The following CABCOCO1 variants were observed in gnomAD, a reference collection of about 807,000 sequenced individuals.
CABCOCO1 encodes the protein ciliary-associated calcium-binding coiled-coil protein 1.
A neutral mutation model predicts 35.7 loss-of-function variants in CABCOCO1; 28 were observed. That is an observed-to-expected ratio of 0.78 (90% confidence interval 0.58 to 1.07). CABCOCO1 has a LOEUF of 1.07. Among genes scored for constraint, CABCOCO1 ranks in the 50% least tolerant of loss-of-function variants. CABCOCO1 has a pLI of 0.00. For missense variants in CABCOCO1, 326 were observed against 309.2 expected (o/e 1.05, Z -0.41); for synonymous variants, 95 against 100.1 (o/e 0.95, Z 0.30).
chr10:61,668,204 A>G (rs1478083476), intron 1 of CABCOCO1, among the ~76,000 whole-genome samples: 1 of 151,940 alleles, frequency 6.6e-6, no homozygotes, highest in Non-Finnish European at 1.5e-5. Flanking sequence ...ATTTGGTCAT[A>G]GGTATAGCTT....
chr10:61,670,680 A>G (rs970753549), intron 1 of CABCOCO1, among the ~76,000 whole-genome samples: 1 of 152,000 alleles, frequency 6.6e-6, no homozygotes, highest in Non-Finnish European at 1.5e-5. Context: ...CTCAATAACT[A>G]TTTGTTGCAC....
chr10:61,674,383 C>G (rs1428293866), intron 2 of CABCOCO1, among the ~76,000 whole-genome samples: 1 of 152,114 alleles, frequency 6.6e-6, no homozygotes, highest in Non-Finnish European at 1.5e-5. Context: ...TAGAAATCAC[C>G]TGAAGTGACC....
chr10:61,742,695 A>G (rs1841575134), intron 5 of CABCOCO1, among the ~76,000 whole-genome samples: 1 of 152,246 alleles, frequency 6.6e-6, no homozygotes, highest in South Asian at 2.1e-4. Flanking sequence ...TGCCCAGCAT[A>G]CATTAGCACT....
intron 1 of CABCOCO1, among the ~76,000 whole-genome samples, chr10:61,667,057 A>G (rs1222906287): frequency 2.1e-5 from 3 of 142,356 alleles, no homozygotes; most frequent in African/African-American, 7.7e-5. Flanking sequence ...TTCATATATT[A>G]TATATAAATA....
chr10:61,721,655 G>T (rs1317739945), intron 5 of CABCOCO1, among the ~76,000 whole-genome samples: 2 of 152,088 alleles, frequency 1.3e-5, no homozygotes, highest in South Asian at 2.1e-4. Flanking sequence ...GGGACGTGGG[G>T]CAATAAAACC....
intron 5 of CABCOCO1, among the ~76,000 whole-genome samples, chr10:61,714,006 A>G (rs1313062569): frequency 6.6e-6 from 1 of 152,162 alleles, no homozygotes; most frequent in Admixed American, 6.5e-5. Context: ...CTTTGGTATC[A>G]CGATGATGTT....
intron 5 of CABCOCO1, among the ~76,000 whole-genome samples, chr10:61,736,572 C>T (rs1328220269): frequency 6.6e-6 from 1 of 152,036 alleles, no homozygotes; most frequent in African/African-American, 2.4e-5. Flanking sequence ...AGTTGGGTAA[C>T]ATGATTCCTC....
intron 2 of CABCOCO1, among the ~76,000 whole-genome samples, chr10:61,679,785 A>G (rs1344266502): frequency 6.6e-6 from 1 of 152,180 alleles, no homozygotes; most frequent in Non-Finnish European, 1.5e-5. Context: ...TAACCATGAG[A>G]AGACAAAAAA....
intron 5 of CABCOCO1, among the ~76,000 whole-genome samples, chr10:61,738,703 T>A (rs1181446818): frequency 6.6e-6 from 1 of 152,240 alleles, no homozygotes; most frequent in Non-Finnish European, 1.5e-5. Context: ...TTAACAATTG[T>A]ACAATAAATG....
intron 5 of CABCOCO1, among the ~76,000 whole-genome samples, chr10:61,712,238 T>A (rs898782446): frequency 3.9e-5 from 6 of 152,238 alleles, no homozygotes; most frequent in African/African-American, 1.2e-4. Flanking sequence ...TGGTTTTGAT[T>A]TGCATTTCTC....
At chr10:61,723,289 A>G (rs780571224) in intron 5 of CABCOCO1, among the ~76,000 whole-genome samples, 125 of 152,354 alleles carry the variant, frequency 8.2e-4, no homozygotes, top group Non-Finnish European at 6.9e-4. Context: ...ATATTCTCAC[A>G]CATTACTGAT....
At chr10:61,739,235 T>C (rs950529385) in intron 5 of CABCOCO1, among the ~76,000 whole-genome samples, 2 of 152,230 alleles carry the variant, frequency 1.3e-5, no homozygotes, top group African/African-American at 4.8e-5. Flanking sequence ...TCTCTAGGAA[T>C]CTTGCTCGAG....
In CABCOCO1 at chr10:61,663,041, C is replaced by T. The variant is rs2131936678; in HGVS notation, c.60+9C>T. ...CCACGCCCGAATCGGAGGTACACCG[C>T]CCCTTTCCCTTCCCGGTACCGGTGC... On this transcript the variant is annotated intron_variant, in intron 1 of 7. Transcript: ENST00000648843. 4.0e-6 allele frequency: 1 copy of T among 251,656 alleles called. No homozygotes were observed. 15.6% of individuals were successfully genotyped at this position (251,656 alleles called of 1,614,324 possible).
At chr10:61,747,760 T>C (rs1841694698) in intron 5 of CABCOCO1, among the ~76,000 whole-genome samples, 1 of 152,180 alleles carries the variant, frequency 6.6e-6, no homozygotes, top group African/African-American at 2.4e-5. Context: ...GATTTTCTTA[T>C]CTAAATATTA....
chr10:61,686,262 A>G, intron 4 of CABCOCO1, 77 bp downstream of exon 4: 1 of 1,256,376 alleles, frequency 8.0e-7, no homozygotes, highest in Non-Finnish European at 1.1e-6. Context: ...AAAGTAATTC[A>G]GTTTTTAGCA....
At chr10:61,677,816 T>G (rs1305218112) in intron 2 of CABCOCO1, among the ~76,000 whole-genome samples, 2 of 142,196 alleles carry the variant, frequency 1.4e-5, no homozygotes, top group Non-Finnish European at 3.1e-5. Context: ...TGGGTGTTTT[T>G]TTTTTTTTTT....
chr10:61,677,486 T>A (rs1839550426), intron 2 of CABCOCO1, among the ~76,000 whole-genome samples: 1 of 152,180 alleles, frequency 6.6e-6, no homozygotes, highest in Non-Finnish European at 1.5e-5. Flanking sequence ...CGAATACTAA[T>A]CCTTTTTCAG....
intron 5 of CABCOCO1, among the ~76,000 whole-genome samples, chr10:61,712,593 G>A (rs1007334056): frequency 2.0e-5 from 3 of 152,148 alleles, no homozygotes; most frequent in African/African-American, 4.8e-5. Context: ...CCTATGTCCT[G>A]AATGGTACTG....
chr10:61,690,917 A>G (rs1840119534), intron 5 of CABCOCO1, among the ~76,000 whole-genome samples: 1 of 152,144 alleles, frequency 6.6e-6, no homozygotes, highest in Non-Finnish European at 1.5e-5. Flanking sequence ...AAAATCAGAA[A>G]AAAACAACTA....
Sources: gnomAD v4.1 joint callset for allele counts (sites outside exome capture counted in the v4.1 genomes callset) on GRCh38, gnomAD v4.1.1 for gene constraint, MANE v1.5 for transcripts, NCBI Gene and HGNC (gene_info 2026-07-23, HGNC 2026-07-21) for gene names.